Variants in COPS8 observed in about 807,000 individuals in gnomAD.
The protein encoded by COPS8 is COP9 signalosome complex subunit 8.
COPS8 carries 11 observed loss-of-function variants against 31.5 expected under a neutral mutation model. That is an observed-to-expected ratio of 0.35 (90% CI 0.22 to 0.58). The LOEUF (loss-of-function observed/expected upper bound fraction) is 0.58, where lower values mean the gene tolerates loss of function less well. COPS8 is among the 20% of genes least tolerant of loss of function. The pLI is 0.83. For synonymous variants in COPS8, 81 were observed against 89.3 expected (o/e 0.91, Z 0.52); for missense variants, 215 against 255.1 (o/e 0.84, Z 1.07).
At chr2:237,096,952 AGTGT>A (rs1559301083) in intron 7 of COPS8, 83 bp downstream of exon 7, 8 of 897,962 alleles carry the variant, frequency 8.9e-6, no homozygotes, top group Middle Eastern at 6.1e-4. Flanking sequence ...TGTGTGTGTG[AGTGT>A]GTGTATCTAT....
intron 1 of COPS8, chr2:237,086,906 C>T: frequency 2.4e-6 from 1 of 422,792 alleles, no homozygotes; most frequent in Non-Finnish European, 3.9e-6. Context: ...AAGCTGATGA[C>T]GAATATAAAC....
chr2:237,091,147 G>A (rs941889925), intron 4 of COPS8, among the ~76,000 whole-genome samples: 2 of 152,038 alleles, frequency 1.3e-5, no homozygotes, highest in African/African-American at 2.4e-5. Flanking sequence ...GTGCACCGTC[G>A]GGTCCGTAGT....
chr2:237,091,614 T>G (rs187273687), intron 4 of COPS8, among the ~76,000 whole-genome samples: 1 of 152,374 alleles, frequency 6.6e-6, no homozygotes, highest in Non-Finnish European at 1.5e-5. Context: ...AACAATCACT[T>G]TCTTAGATCT....
chr2:237,085,934 G>T lies in COPS8; in HGVS notation c.-31G>T. ...GGGACAGTCTGGGGTTTGGCTGTCC[G>T]GACGGTGCAGCGGCGAGGCCGGCCG... On this transcript the variant is annotated 5_prime_UTR_variant, in exon 1 of 8. Coordinates refer to ENST00000354371, the MANE Select transcript of COPS8 (RefSeq NM_006710.5). The T allele has an allele frequency of 6.2e-7, 1 of 1,604,980 alleles. No individual in the cohort carries two copies. Among genetic ancestry groups the T allele is most frequent in the African/African-American group, 1.3e-5 (1 of 74,796 alleles).
At chr2:237,095,936 T>C in intron 6 of COPS8, 52 bp downstream of exon 6, 1 of 1,199,474 alleles carries the variant, frequency 8.3e-7, no homozygotes, top group Non-Finnish European at 1.2e-6. Flanking sequence ...CTAAGACTGC[T>C]TCAGGTTTTC....
chr2:237,087,253 A>G, intron 2 of COPS8, 56 bp downstream of exon 2: 1 of 1,303,408 alleles, frequency 7.7e-7, no homozygotes, highest in Non-Finnish European at 1.1e-6. Context: ...TTATATGGAA[A>G]TATTTCTGCA....
At chr2:237,096,915 AT>A (rs1405467164) in intron 7 of COPS8, 46 bp downstream of exon 7, 2 of 1,392,158 alleles carry the variant, frequency 1.4e-6, no homozygotes, top group Non-Finnish European at 2.0e-6. Context: ...ATTGTTCCTA[AT>A]TTCTTTTTTG....
At chr2:237,097,224 C>CTTTTTTTTTTTTTTTTTTTTTTTT (rs996251270) in intron 7 of COPS8, among the ~76,000 whole-genome samples, 3 of 95,986 alleles carry the variant, frequency 3.1e-5, no homozygotes, top group African/African-American at 1.1e-4. Context: ...TGTGGGTTTT[C>CTTTTTTTTTTTTTTTTTTTTTTTT]TTTTTTTTTT....
At position 237,087,189 on chromosome 2, in the gene COPS8, T is replaced by C. The variant is rs781574506; in HGVS notation, c.141T>C (p.His47=). 1.2e-6 allele frequency: 2 copies of C among 1,606,420 alleles called. No homozygotes were observed. The highest frequency in any genetic ancestry group is 2.2e-5 in the South Asian group (2 of 89,428). ...AGCTTCTAGCTTTATATTTGCTCCA[T>C]AATGACATGTAAGTATGTTTAACCT... ...YGQLLALYLL[H]NDMNNARYLW... The change falls in exon 2 of 8, where the codon CAT becomes CAC. Residue 47 remains histidine (H), a synonymous_variant. Transcript: ENST00000354371.
At chr2:237,094,051 C>T (rs768244964) in intron 4 of COPS8, 39 bp from the exon 5 acceptor site, 40 of 1,601,598 alleles carry the variant, frequency 2.5e-5, no homozygotes, top group Non-Finnish European at 3.3e-5. Context: ...AATGCTGCTC[C>T]CTGGTTCACT....
At chr2:237,087,003 C>G (rs372499637) in intron 1 of COPS8, 124 bp from the exon 2 acceptor site, 1 of 650,598 alleles carries the variant, frequency 1.5e-6, no homozygotes. Flanking sequence ...TAGTCTTAGA[C>G]TAAAAAGGCT....
chr2:237,088,133 T>G lies in COPS8; in HGVS notation c.150-472T>G, dbSNP rs139895666. Among the ~76,000 whole-genome samples, 43 of 152,282 alleles carry G rather than the reference T, an allele frequency of 2.8e-4. No individual in the cohort carries two copies. The East Asian group carries it at 7.1e-3, about 25-fold the overall frequency. ...TGTAAAACTGTCATTATATGTTTGT[T>G]GTAGTTCAAGCCTCCAAACCCATAA... On this transcript the variant is annotated intron_variant, in intron 2 of 7. Transcript: ENST00000354371.
intron 4 of COPS8, among the ~76,000 whole-genome samples, chr2:237,091,883 T>G (rs1444993044): frequency 6.6e-6 from 1 of 152,176 alleles, no homozygotes; most frequent in African/African-American, 2.4e-5. Flanking sequence ...TCCCTGACCT[T>G]CCTTCCCAGC....
intron 4 of COPS8, 31 bp from the exon 5 acceptor site, chr2:237,094,059 A>T (rs1574838172): frequency 1.9e-6 from 3 of 1,605,612 alleles, no homozygotes; most frequent in Non-Finnish European, 2.6e-6. Context: ...TCCCTGGTTC[A>T]CTCTCTGCCA....
intron 4 of COPS8, among the ~76,000 whole-genome samples, chr2:237,092,745 T>C (rs1696728848): frequency 6.6e-6 from 1 of 151,922 alleles, no homozygotes; most frequent in Non-Finnish European, 1.5e-5. Context: ...AGTGGCTGAG[T>C]GAAAGCTGGA....
chr2:237,095,586 A>G (rs1309742201), intron 5 of COPS8, among the ~76,000 whole-genome samples: 1 of 152,226 alleles, frequency 6.6e-6, no homozygotes, highest in Non-Finnish European at 1.5e-5. Context: ...AAAACTAACC[A>G]TCTTTTAATG....
At position 237,085,914 on chromosome 2, in the gene COPS8, A is replaced by G. The variant is rs761957067; in HGVS notation, c.-51A>G. 8.3e-6 allele frequency: 13 copies of G among 1,562,840 alleles called. No homozygotes were observed. The African/African-American group carries it at 1.1e-4, about 13-fold the overall frequency. ...ATCGCGGGCGCGACGCCTGAGGGAC[A>G]GTCTGGGGTTTGGCTGTCCGGACGG... On this transcript the variant is annotated 5_prime_UTR_variant, in exon 1 of 8. Transcript: ENST00000354371.
At chr2:237,092,340 C>T (rs1482857983) in intron 4 of COPS8, among the ~76,000 whole-genome samples, 3 of 152,182 alleles carry the variant, frequency 2.0e-5, no homozygotes, top group African/African-American at 7.2e-5. Flanking sequence ...TTTGTCAACT[C>T]ACTTCTCCCA....
intron 4 of COPS8, among the ~76,000 whole-genome samples, chr2:237,091,709 G>A (rs1341195157): frequency 6.6e-6 from 1 of 152,170 alleles, no homozygotes. Context: ...TATTTTTGCA[G>A]GAAACAAGGG....
Sources: allele counts gnomAD v4.1 joint callset (sites outside exome capture counted in the v4.1 genomes callset), GRCh38; gene constraint gnomAD v4.1.1; transcripts MANE v1.5; gene names NCBI Gene and HGNC (gene_info 2026-07-23, HGNC 2026-07-21).